Variants in ITGB6 observed in about 807,000 individuals in gnomAD.
The protein encoded by ITGB6 is integrin subunit beta 6, also known as integrin beta-6.
Under a neutral mutation model 84.5 loss-of-function variants are expected in ITGB6, and 80 were observed. The ratio of observed to expected loss-of-function variants is 0.95; its 90% CI spans 0.79 to 1.14. The LOEUF is 1.14. ITGB6 is among the 50% of genes most tolerant of loss of function. ITGB6 has a pLI of 0.00. For synonymous variants in ITGB6, 383 were observed against 354.9 expected (o/e 1.08, Z -0.89); for missense variants, 1,006 against 968.0 (o/e 1.04, Z -0.52).
In ITGB6 at chr2:160,173,764, G is replaced by T. The variant is rs374652522; in HGVS notation, c.759+210C>A. 2.0e-5 allele frequency among the ~76,000 whole-genome samples: 3 copies of T among 152,140 alleles called. No individual in the cohort carries two copies. In the South Asian group the frequency reaches 6.2e-4, roughly 32 times the overall value. Reference sequence around the variant, plus strand: ...TTTTCCCAACACGACAATTTTCTTAGATTATTCAAATAGTAGGCAGAAAGG... The same window carrying T: ...TTTTCCCAACACGACAATTTTCTTATATTATTCAAATAGTAGGCAGAAAGG... On this transcript the variant is annotated intron_variant, in intron 5 of 14. Transcript: ENST00000283249.
intron 8 of ITGB6, among the ~76,000 whole-genome samples, chr2:160,141,727 T>C (rs747183881): frequency 3.9e-5 from 6 of 152,222 alleles, no homozygotes; most frequent in Non-Finnish European, 7.3e-5. Flanking sequence ...AATGTTACTG[T>C]TGCTTATTAT....
At chr2:160,178,054 T>C (rs921903075) in intron 4 of ITGB6, among the ~76,000 whole-genome samples, 2 of 152,122 alleles carry the variant, frequency 1.3e-5, no homozygotes, top group Non-Finnish European at 2.9e-5. Context: ...TTTGTATTTT[T>C]AGTAGAGATG....
chr2:160,134,393 T>C (rs1308386221), intron 10 of ITGB6, among the ~76,000 whole-genome samples: 4 of 152,204 alleles, frequency 2.6e-5, no homozygotes, highest in Admixed American at 6.5e-5. Context: ...TAACAGGCTC[T>C]GAAATTGAGG....
intron 4 of ITGB6, among the ~76,000 whole-genome samples, chr2:160,185,225 A>T (rs926836042): frequency 6.6e-6 from 1 of 152,256 alleles, no homozygotes; most frequent in Non-Finnish European, 1.5e-5. Context: ...GTATATTTAG[A>T]AAACCCCATC....
chr2:160,137,872 T>C (rs1377162203), intron 9 of ITGB6, 21 bp from the exon 10 acceptor site: 1 of 1,607,448 alleles, frequency 6.2e-7, no homozygotes. Flanking sequence ...AAATACTAAT[T>C]ATCTCCCTCC....
chr2:160,195,757 G>T, intron 3 of ITGB6, 142 bp from the exon 4 acceptor site: 1 of 938,328 alleles, frequency 1.1e-6, no homozygotes, highest in Non-Finnish European at 1.6e-6. Context: ...GTGTGGTCAA[G>T]ATCCTAAAAG....
At chr2:160,113,271 G>A (rs1479957403) in intron 12 of ITGB6, among the ~76,000 whole-genome samples, 1 of 152,168 alleles carries the variant, frequency 6.6e-6, no homozygotes, top group Non-Finnish European at 1.5e-5. Context: ...TAATAAAGCA[G>A]AATCTAATGT....
chr2:160,171,570 C>T (rs1038986208), intron 6 of ITGB6, among the ~76,000 whole-genome samples: 1 of 152,082 alleles, frequency 6.6e-6, no homozygotes, highest in Non-Finnish European at 1.5e-5. Flanking sequence ...CTCCTGACCT[C>T]GTGATCCACC....
At chr2:160,134,569 T>A (rs1365285237) in intron 10 of ITGB6, among the ~76,000 whole-genome samples, 1 of 152,172 alleles carries the variant, frequency 6.6e-6, no homozygotes, top group Admixed American at 6.5e-5. Context: ...GCCAGCATCA[T>A]CCTGATACCA....
intron 4 of ITGB6, among the ~76,000 whole-genome samples, chr2:160,183,207 AAAGAGTC>A: frequency 6.6e-6 from 1 of 152,346 alleles, no homozygotes; most frequent in South Asian, 2.1e-4. Context: ...CAAATTGGAG[AAAGAGTC>A]AAGACCCATT....
intron 14 of ITGB6, among the ~76,000 whole-genome samples, chr2:160,106,185 C>T (rs1696900814): frequency 6.6e-6 from 1 of 152,132 alleles, no homozygotes; most frequent in African/African-American, 2.4e-5. Flanking sequence ...TACTTATTTG[C>T]TATCATTCTA....
At chr2:160,182,974 C>T (rs1447462332) in intron 4 of ITGB6, among the ~76,000 whole-genome samples, 1 of 152,176 alleles carries the variant, frequency 6.6e-6, no homozygotes, top group Non-Finnish European at 1.5e-5. Flanking sequence ...GCCTGCCTTA[C>T]AAGAGCTCCT....
chr2:160,178,819 C>T (rs1427857830), intron 4 of ITGB6: 1 of 151,996 alleles, frequency 6.6e-6, no homozygotes, highest in Non-Finnish European at 1.5e-5. Flanking sequence ...ACCTCAGCCT[C>T]CCAAGTAGCT....
At chr2:160,107,654 G>C (rs757251540) in intron 14 of ITGB6, 25 bp downstream of exon 14, 1 of 1,610,348 alleles carries the variant, frequency 6.2e-7, no homozygotes, top group South Asian at 1.1e-5. Flanking sequence ...CCCTAGACAA[G>C]GAGTAGCCCT....
In ITGB6 at chr2:160,142,075, T is replaced by A. The variant is rs373938852; in HGVS notation, c.1018-4A>T. ...CAGGAATAAGTTTTGCGTAATTCTGTAAACAGAAAAAGAGTAAGTCAATCT... is the reference window on the plus strand; with the variant it reads ...CAGGAATAAGTTTTGCGTAATTCTGAAAACAGAAAAAGAGTAAGTCAATCT... On this transcript the variant is annotated splice_region_variant and splice_polypyrimidine_tract_variant and intron_variant, in intron 7 of 14. Transcript: ENST00000283249. 5 of 1,568,914 alleles carry A rather than the reference T, an allele frequency of 3.2e-6. No homozygotes were observed. The highest frequency in any genetic ancestry group is 4.4e-6 in the Non-Finnish European group (5 of 1,146,704).
chr2:160,105,697 A>G (rs895557243), intron 14 of ITGB6, among the ~76,000 whole-genome samples: 1 of 152,178 alleles, frequency 6.6e-6, no homozygotes, highest in African/African-American at 2.4e-5. Context: ...CAACTTAACC[A>G]TATTCTTTTA....
At chr2:160,186,407 C>A (rs896465715) in intron 4 of ITGB6, among the ~76,000 whole-genome samples, 1 of 151,964 alleles carries the variant, frequency 6.6e-6, no homozygotes, top group Non-Finnish European at 1.5e-5. Flanking sequence ...AAATCAAAAC[C>A]ACAATGAGAT....
At chr2:160,154,566 A>G (rs2105843516) in intron 7 of ITGB6, among the ~76,000 whole-genome samples, 1 of 152,334 alleles carries the variant, frequency 6.6e-6, no homozygotes, top group South Asian at 2.1e-4. Flanking sequence ...TATGTACCCT[A>G]GAACTTAAAG....
chr2:160,107,827 T>A lies in ITGB6; in HGVS notation c.2120A>T (p.Asn707Ile), dbSNP rs766351579. The A allele has an allele frequency of 6.2e-7, 1 of 1,609,748 alleles. No homozygotes were observed. Among genetic ancestry groups the A allele is most frequent in the Non-Finnish European group, 8.5e-7 (1 of 1,177,092 alleles). Residue 707 changes from asparagine to isoleucine, a missense_variant, in exon 14 of 15, where the codon AAC becomes ATC. Asn to Ile is a moderately radical substitution (Grantham distance 149). Transcript: ENST00000283249. The part of the protein sequence containing the change: ...INEKDCPKPP[N>I]IPMIMLGVSL... ...AACCCCTAACATGATCATGGGAATGTTTGGAGGCTTCGGACAATCTGCAGA... is the reference window on the plus strand; with the variant it reads ...AACCCCTAACATGATCATGGGAATGATTGGAGGCTTCGGACAATCTGCAGA...
Sources: allele counts gnomAD v4.1 joint callset (sites outside exome capture counted in the v4.1 genomes callset), GRCh38; gene constraint gnomAD v4.1.1; transcripts MANE v1.5; gene names NCBI Gene and HGNC (gene_info 2026-07-23, HGNC 2026-07-21).